Variants in MCC observed in about 807,000 individuals in gnomAD.
The protein encoded by MCC is colorectal mutant cancer protein.
MCC carries 90 observed loss-of-function variants against 116.2 expected under a neutral mutation model. The observed-to-expected ratio is 0.77, with a 90% confidence interval of 0.65 to 0.92. The LOEUF is 0.92. Ranked by LOEUF, MCC falls within the 40% of genes least tolerant of loss-of-function variation. The pLI, the probability that MCC is intolerant of heterozygous loss-of-function variation, is 0.00. For missense variants in MCC, 1,516 were observed against 1,312.2 expected, an observed-to-expected ratio of 1.16 and a Z score of -2.40; for synonymous variants, 578 against 510.5, an observed-to-expected ratio of 1.13 and a Z score of -1.78.
intron 3 of MCC, among the ~76,000 whole-genome samples, chr5:113,311,701 G>T (rs1767137407): frequency 6.6e-6 from 1 of 152,170 alleles, no homozygotes. Flanking sequence ...GGCCGGGCAT[G>T]GTGGCTCACG....
At chr5:113,363,636 G>T (rs577716282) in intron 2 of MCC, among the ~76,000 whole-genome samples, 1 of 152,260 alleles carries the variant, frequency 6.6e-6, no homozygotes, top group South Asian at 2.1e-4. Flanking sequence ...CAACACTTGG[G>T]ATTACAATTT....
In MCC at chr5:113,027,193, G is replaced by T. The variant is rs576202033; in HGVS notation, c.*109C>A. ...CCATTGTCCAAGTGCCGACCTACCT[G>T]CCAGCCTTCCCTTTCCTCCTCCTCC... On this transcript the variant is annotated 3_prime_UTR_variant, in exon 19 of 19. Coordinates refer to ENST00000408903, the MANE Select transcript of MCC (RefSeq NM_001085377.2). 2.5e-6 allele frequency: 3 copies of T among 1,204,732 alleles called. No homozygotes were observed. Among genetic ancestry groups the T allele is most frequent in the Non-Finnish European group, 1.2e-6 (1 of 866,412 alleles). The allele number at this position is 1,204,732 out of a possible 1,614,324, so 74.6% of individuals were successfully genotyped here. A position where few individuals can be genotyped will look rare whatever the true frequency, so the allele number is the denominator to read the frequency against.
chr5:113,465,553 T>C (rs1222097496), intron 1 of MCC, among the ~76,000 whole-genome samples: 2 of 152,192 alleles, frequency 1.3e-5, no homozygotes, highest in Non-Finnish European at 2.9e-5. Context: ...ATAAAGCTTA[T>C]ATTTTGCAAA....
At chr5:113,362,748 T>C (rs1168857964) in intron 2 of MCC, among the ~76,000 whole-genome samples, 1 of 152,134 alleles carries the variant, frequency 6.6e-6, no homozygotes, top group Non-Finnish European at 1.5e-5. Context: ...AATGCTTTTG[T>C]GGTATAGTAA....
intron 8 of MCC, among the ~76,000 whole-genome samples, chr5:113,086,187 A>G (rs2150245227): frequency 6.6e-6 from 1 of 152,216 alleles, no homozygotes; most frequent in East Asian, 1.9e-4. Flanking sequence ...CGGGAAGCAG[A>G]AAAAGGGAAG....
intron 3 of MCC, among the ~76,000 whole-genome samples, chr5:113,274,131 T>C (rs1180638278): frequency 1.3e-5 from 2 of 152,232 alleles, no homozygotes; most frequent in African/African-American, 4.8e-5. Flanking sequence ...GGGGATTTAC[T>C]TCAGTCACGC....
At chr5:113,469,462 G>C (rs1263498388) in intron 1 of MCC, among the ~76,000 whole-genome samples, 3 of 152,246 alleles carry the variant, frequency 2.0e-5, no homozygotes, top group East Asian at 3.9e-4. Context: ...TTCAGGAGCA[G>C]GTTGTTCAGT....
rs977701414 is a variant in MCC at position 113,027,170 on chromosome 5, A to G, written c.*132T>C. ...CCCAAGGGTTGAGTTGGGGCACTCC[A>G]TTGTCCAAGTGCCGACCTACCTGCC... is the stretch of plus-strand genomic sequence containing the variant. On this transcript the variant is annotated 3_prime_UTR_variant, in exon 19 of 19. Coordinates refer to ENST00000408903, the MANE Select transcript of MCC (RefSeq NM_001085377.2). 3.4e-6 allele frequency: 3 copies of G among 885,708 alleles called. No homozygotes were observed. The highest frequency in any genetic ancestry group is 5.1e-6 in the Non-Finnish European group (3 of 588,674). The allele number at this position is 885,708 out of a possible 1,614,324, so 54.9% of individuals were successfully genotyped here.
intron 3 of MCC, among the ~76,000 whole-genome samples, chr5:113,279,612 T>C (rs1765958130): frequency 6.6e-6 from 1 of 152,180 alleles, no homozygotes; most frequent in Admixed American, 6.5e-5. Flanking sequence ...CAATTATAGA[T>C]AAAATTATCC....
chr5:113,043,708 A>G (rs558545819), intron 16 of MCC, 78 bp from the exon 17 acceptor site: 32 of 1,026,304 alleles, frequency 3.1e-5, no homozygotes, highest in Admixed American at 1.2e-4. Flanking sequence ...AGAGCGCGGT[A>G]GGTGGCTCGT....
At chr5:113,302,848 G>A (rs993115696) in intron 3 of MCC, among the ~76,000 whole-genome samples, 2 of 152,242 alleles carry the variant, frequency 1.3e-5, no homozygotes, top group African/African-American at 4.8e-5. Context: ...CTGGGTTGAA[G>A]TGCCATAAAA....
Position 113,071,082 on chromosome 5 carries a change from G to C in MCC, c.1925+12C>G, listed in dbSNP as rs200394247. On this transcript the variant is annotated intron_variant, in intron 12 of 18. Coordinates refer to ENST00000408903, the MANE Select transcript of MCC (RefSeq NM_001085377.2). ...CCCTGAAGTAGCTCCAAACATCCCA[G>C]TGTGTGCCTACCTGTACTGCAAGGC... 259 of 1,561,794 alleles carry C rather than the reference G, an allele frequency of 1.7e-4. No homozygotes were observed. In the African/African-American group the frequency reaches 4.0e-3, roughly 24 times the overall value.
chr5:113,359,435 G>A (rs1768493261), intron 2 of MCC, among the ~76,000 whole-genome samples: 1 of 152,196 alleles, frequency 6.6e-6, no homozygotes, highest in African/African-American at 2.4e-5. Context: ...CACTTAATGG[G>A]AGATATTTTA....
intron 14 of MCC, among the ~76,000 whole-genome samples, chr5:113,057,180 G>A (rs1192121424): frequency 6.6e-6 from 1 of 152,182 alleles, no homozygotes; most frequent in Non-Finnish European, 1.5e-5. Context: ...GAGAGGGAGT[G>A]CGTGGGAGGG....
chr5:113,340,878 TTCTC>T, intron 2 of MCC, 148 bp from the exon 3 acceptor site: 1 of 658,252 alleles, frequency 1.5e-6, no homozygotes, highest in South Asian at 2.0e-5. Context: ...GCTAAGCGCT[TTCTC>T]TTTCAAACTG....
chr5:113,472,008 G>A (rs1772106482), intron 1 of MCC, among the ~76,000 whole-genome samples: 1 of 152,096 alleles, frequency 6.6e-6, no homozygotes, highest in Non-Finnish European at 1.5e-5. Flanking sequence ...TAAGCCCGTT[G>A]GAAAAGTGCA....
At chr5:113,163,698 A>T (rs938748763) in intron 3 of MCC, among the ~76,000 whole-genome samples, 1 of 152,188 alleles carries the variant, frequency 6.6e-6, no homozygotes, top group African/African-American at 2.4e-5. Flanking sequence ...AAAGTTAGCA[A>T]ATTAGAAAAT....
intron 3 of MCC, among the ~76,000 whole-genome samples, chr5:113,212,720 A>G (rs1228779074): frequency 6.6e-6 from 1 of 152,156 alleles, no homozygotes; most frequent in Admixed American, 6.5e-5. Flanking sequence ...TTCACTCCCC[A>G]ACACCTAAAT....
rs1469058009 is a variant in MCC, at chr5:113,333,846, T to TATATATACATATGTAC, written c.627+6672_627+6673insGTACATATGTATATAT. Among the ~76,000 whole-genome samples the TATATATACATATGTAC allele has an allele frequency of 3.8e-4, 24 of 62,626 alleles. 5 individuals carry two copies. The highest frequency in any genetic ancestry group is 1.6e-3 in the African/African-American group (23 of 14,472). 41.1% of individuals were successfully genotyped at this position (62,626 alleles called of 152,430 possible). On this transcript the variant is annotated intron_variant, in intron 3 of 18. Transcript: ENST00000408903. The stretch of plus-strand genomic sequence containing the variant: ...ATATATGTATATATGTATATATGTA[T>TATATATACATATGTAC]ATATGTACATATATGTATATATGTA...
Sources: allele counts gnomAD v4.1 joint callset (sites outside exome capture counted in the v4.1 genomes callset), GRCh38; gene constraint gnomAD v4.1.1; transcripts MANE v1.5; gene names NCBI Gene and HGNC (gene_info 2026-07-23, HGNC 2026-07-21).